Variants in ANKK1 observed in about 807,000 individuals in gnomAD.
The protein encoded by ANKK1 is ankyrin repeat and protein kinase domain-containing protein 1.
A neutral mutation model predicts 37.6 loss-of-function variants in ANKK1; 37 were observed. That is an observed-to-expected ratio of 0.98 (90% CI 0.76 to 1.29). ANKK1 has a LOEUF of 1.29. Ranked by LOEUF, ANKK1 falls within the 50% of genes most tolerant of loss-of-function variation. ANKK1 has a pLI of 0.00. For missense variants in ANKK1, 1,019 were observed against 990.6 expected (o/e 1.03, Z -0.39); for synonymous variants, 415 against 418.7 (o/e 0.99, Z 0.11).
chr11:113,392,903 G>A (rs908235923), intron 1 of ANKK1, among the ~76,000 whole-genome samples: 21 of 152,134 alleles, frequency 1.4e-4, no homozygotes, highest in African/African-American at 4.6e-4. Context: ...AGAGCAGAAA[G>A]AAGGAGTGAA....
intron 1 of ANKK1, among the ~76,000 whole-genome samples, chr11:113,392,917 G>C (rs940948565): frequency 6.6e-6 from 1 of 152,214 alleles, no homozygotes; most frequent in Non-Finnish European, 1.5e-5. Context: ...GAGTGAAAGA[G>C]AGGGAGAAAG....
chr11:113,395,356 C>T lies in ANKK1; in HGVS notation c.633-3C>T, dbSNP rs1450925331. 6.2e-7 allele frequency: 1 copy of T among 1,613,988 alleles called. No individual in the cohort carries two copies. Among genetic ancestry groups the T allele is most frequent in the African/African-American group, 1.3e-5 (1 of 75,038 alleles). On this transcript the variant is annotated splice_polypyrimidine_tract_variant and splice_region_variant and intron_variant, in intron 3 of 7. Transcript: ENST00000303941. ...ATTCAGAAAGGGTTCTCTGCATCCA[C>T]AGCTTTGCAATTGTCATCTGGGAGC...
At position 113,397,333 on chromosome 11, in the gene ANKK1, G is replaced by T. The variant is rs1413358362; in HGVS notation, c.948G>T (p.Gln316His). ...RKVSCKLSLR[Q>H]PGEVNEDISQ... ...TGTCCTGCAAGCTGTCGCTGCGCCAGCCCGGGGAGGTGAGTGTGTGGGCTG... is the reference window on the plus strand; with the variant it reads ...TGTCCTGCAAGCTGTCGCTGCGCCATCCCGGGGAGGTGAGTGTGTGGGCTG... The change falls in exon 6 of 8, where the codon CAG becomes CAT. Residue 316 changes from glutamine to histidine, a missense_variant. Physicochemically the swap from Gln to His is conservative, Grantham distance 24. Transcript: ENST00000303941. 6.2e-7 allele frequency: 1 copy of T among 1,612,488 alleles called. No individual in the cohort carries two copies. The highest frequency in any genetic ancestry group is 1.7e-5 in the Admixed American group (1 of 60,012).
chr11:113,388,369 G>C (rs1950563442), intron 1 of ANKK1, among the ~76,000 whole-genome samples: 1 of 152,210 alleles, frequency 6.6e-6, no homozygotes, highest in African/African-American at 2.4e-5. Context: ...TGTCCTGCCT[G>C]CTTCCATCCT....
In ANKK1 at chr11:113,399,691, G is replaced by T; in HGVS notation, c.1722G>T (p.Leu574=). The change falls in exon 8 of 8, where the codon CTG becomes CTT. Residue 574 remains leucine (L), a synonymous_variant. Coordinates refer to ENST00000303941, the MANE Select transcript of ANKK1 (RefSeq NM_178510.2). ...LHTAAARGKY[L]ICKMLLRYGA... is the part of the protein sequence containing the mutation. The stretch of plus-strand genomic sequence containing the variant: ...CTGCAGCTGCCAGGGGCAAATACCT[G>T]ATCTGCAAGATGCTGCTCAGGTACG... 6.3e-7 allele frequency: 1 copy of T among 1,597,376 alleles called. No homozygotes were observed.
intron 5 of ANKK1, among the ~76,000 whole-genome samples, chr11:113,396,667 C>T (rs999007613): frequency 6.6e-6 from 1 of 152,176 alleles, no homozygotes; most frequent in African/African-American, 2.4e-5. Context: ...GCAGGATCTG[C>T]ATCACGGGGC....
intron 1 of ANKK1, 124 bp downstream of exon 1, chr11:113,388,193 T>G: frequency 2.1e-5 from 27 of 1,273,030 alleles, no homozygotes; most frequent in South Asian, 3.5e-5. Context: ...CCCCGCGGTA[T>G]TTCTGAATTC....
At chr11:113,392,663 G>A (rs1950597191) in intron 1 of ANKK1, among the ~76,000 whole-genome samples, 1 of 152,164 alleles carries the variant, frequency 6.6e-6, no homozygotes, top group South Asian at 2.1e-4. Flanking sequence ...TGAGCAACAG[G>A]GTTTGCAAAT....
At position 113,399,824 on chromosome 11, in the gene ANKK1, A is replaced by C; in HGVS notation, c.1855A>C (p.Met619Leu). 6.2e-7 allele frequency: 1 copy of C among 1,608,078 alleles called. No homozygotes were observed. The highest frequency in any genetic ancestry group is 8.5e-7 in the Non-Finnish European group (1 of 1,177,618). The change falls in exon 8 of 8, where the codon ATG becomes CTG. Residue 619 changes from methionine (M) to leucine (L), a missense_variant. Physicochemically the swap from Met to Leu is conservative, Grantham distance 15. Transcript: ENST00000303941. ...IHLLAESHANMGALGAVNWTP... is the reference protein window; with the variant it reads ...IHLLAESHANLGALGAVNWTP... The stretch of plus-strand genomic sequence containing the variant: ...TCTGCTGGCAGAGAGCCACGCAAAC[A>C]TGGGTGCTCTTGGAGCTGTGAACTG...
rs1443548481 is a variant in ANKK1, at chr11:113,399,422, G to T, written c.1453G>T (p.Ala485Ser). The change falls in exon 8 of 8, where the codon GCT becomes TCT. Residue 485 changes from alanine to serine, a missense_variant. Ala to Ser is a moderately conservative substitution (Grantham distance 99). Transcript: ENST00000303941. ...GGCACGGCTTCTGGTCTCCCGTCAG[G>T]CTGACCCCAACCTGCATGAGGCTGA... ...NVARLLVSRQ[A>S]DPNLHEAEGK... 6.2e-7 allele frequency: 1 copy of T among 1,600,160 alleles called. No homozygotes were observed. Among genetic ancestry groups the T allele is most frequent in the Non-Finnish European group, 8.5e-7 (1 of 1,173,784 alleles).
rs1950671542 is a variant in ANKK1 at position 113,399,395 on chromosome 11, G to A, written c.1426G>A (p.Val476Met). 1 of 1,600,922 alleles carries A rather than the reference G, an allele frequency of 6.2e-7. No individual in the cohort carries two copies. Among genetic ancestry groups the A allele is most frequent in the Non-Finnish European group, 8.5e-7 (1 of 1,174,106 alleles). The change falls in exon 8 of 8, where the codon GTG becomes ATG. Residue 476 changes from valine (V) to methionine (M), a missense_variant. Coordinates refer to ENST00000303941, the MANE Select transcript of ANKK1 (RefSeq NM_178510.2). ...GGCTGCACAGAATAACTTTGAGAAT[G>A]TGGCACGGCTTCTGGTCTCCCGTCA... ...HLAAQNNFEN[V>M]ARLLVSRQAD...
chr11:113,391,770 G>A (rs1336577316), intron 1 of ANKK1, among the ~76,000 whole-genome samples: 2 of 152,108 alleles, frequency 1.3e-5, no homozygotes, highest in Admixed American at 1.3e-4. Context: ...ACTATAGAAA[G>A]ATTATAGAGG....
At chr11:113,395,197 G>A (rs1425307483) in intron 3 of ANKK1, 117 bp downstream of exon 3, 4 of 1,496,998 alleles carry the variant, frequency 2.7e-6, no homozygotes, top group Non-Finnish European at 3.6e-6. Context: ...CTGGCCCAAG[G>A]CGGAGGACTC....
intron 2 of ANKK1, chr11:113,394,695 G>C (rs751021149): frequency 1.5e-6 from 1 of 667,812 alleles, no homozygotes; most frequent in Non-Finnish European, 2.7e-6. Flanking sequence ...ATAGCACTGT[G>C]AGTTAAATGG....
intron 1 of ANKK1, among the ~76,000 whole-genome samples, chr11:113,388,315 A>T (rs1331306484): frequency 6.6e-6 from 1 of 152,210 alleles, no homozygotes; most frequent in Admixed American, 6.5e-5. Flanking sequence ...GCAAGCGGGA[A>T]CTACCTACCA....
In ANKK1 at chr11:113,396,223, G is replaced by T; in HGVS notation, c.838+1G>T. On this transcript the variant is annotated splice_donor_variant, in intron 5 of 7. Coordinates refer to ENST00000303941, the MANE Select transcript of ANKK1 (RefSeq NM_178510.2). LOFTEE classifies it high-confidence loss of function. The stretch of plus-strand genomic sequence containing the variant: ...CCCAAGAAGAGGCCATGCTTTCTAG[G>T]TGCTTATCCAGTGCCCCCTACCCAG... 6.2e-7 allele frequency: 1 copy of T among 1,613,684 alleles called. No individual in the cohort carries two copies. The highest frequency in any genetic ancestry group is 8.5e-7 in the Non-Finnish European group (1 of 1,179,702).
At chr11:113,390,801 G>GA (rs1050246279) in intron 1 of ANKK1, among the ~76,000 whole-genome samples, 8 of 151,018 alleles carry the variant, frequency 5.3e-5, no homozygotes, top group African/African-American at 1.9e-4. Flanking sequence ...AGCACTACGT[G>GA]AAAAAAACAA....
rs777160724 is a variant in ANKK1, at chr11:113,396,169, A to G, written c.785A>G (p.Asp262Gly). ...CCAAGCGAGGCCCAGCAGATGGTGG[A>G]CCTGATGAAACGCTGCTGGGACCAG... ...QWPSEAQQMV[D>G]LMKRCWDQDP... is the part of the protein sequence containing the mutation. The change falls in exon 5 of 8, where the codon GAC becomes GGC. Residue 262 changes from aspartate to glycine, a missense_variant. Transcript: ENST00000303941. 3.7e-6 allele frequency: 6 copies of G among 1,613,900 alleles called. No individual in the cohort carries two copies. The highest frequency in any genetic ancestry group is 4.2e-6 in the Non-Finnish European group (5 of 1,179,878).
At chr11:113,398,038 G>A (rs755871724) in intron 7 of ANKK1, 22 bp downstream of exon 7, 31 of 1,562,676 alleles carry the variant, frequency 2.0e-5, no homozygotes, top group Non-Finnish European at 2.4e-5. Flanking sequence ...TGCCACGGGC[G>A]GGACCAGAGA....
Sources: gnomAD v4.1 joint callset for allele counts (sites outside exome capture counted in the v4.1 genomes callset) on GRCh38, gnomAD v4.1.1 for gene constraint, MANE v1.5 for transcripts, NCBI Gene and HGNC (gene_info 2026-07-23, HGNC 2026-07-21) for gene names.